SYTL3: variants seen among roughly 807,000 people sequenced by gnomAD.
SYTL3 encodes synaptotagmin like 3.
SYTL3 carries 88 observed loss-of-function variants against 82.1 expected under a neutral mutation model. That is an observed-to-expected ratio of 1.07 (90% CI 0.90 to 1.28). SYTL3 has a LOEUF of 1.28. Among genes scored for constraint, SYTL3 ranks in the 50% most tolerant of loss-of-function variants. The probability of loss-of-function intolerance (pLI) is 0.00; values close to 1 mark genes in which losing one functional copy is unlikely to be tolerated. For synonymous variants in SYTL3, 311 were observed against 289.4 expected, an observed-to-expected ratio of 1.07 and a Z score of -0.76; for missense variants, 831 against 757.6, an observed-to-expected ratio of 1.10 and a Z score of -1.14.
At chr6:158,740,989 AAGT>A (rs747068074) in intron 11 of SYTL3, among the ~76,000 whole-genome samples, 29 of 152,156 alleles carry the variant, frequency 1.9e-4, no homozygotes, top group Non-Finnish European at 5.9e-5. Context: ...ATGCTTGAAG[AAGT>A]AGTAGTCTGT....
intron 6 of SYTL3, among the ~76,000 whole-genome samples, chr6:158,701,198 G>GGCTGTCT (rs1781193440): frequency 7.3e-6 from 1 of 136,562 alleles, no homozygotes; most frequent in African/African-American, 3.0e-5. Flanking sequence ...GTAGATGAAG[G>GGCTGTCT]AGTGTGAGCT....
At chr6:158,667,959 C>T (rs926719929) in intron 5 of SYTL3, among the ~76,000 whole-genome samples, 1 of 152,182 alleles carries the variant, frequency 6.6e-6, no homozygotes, top group African/African-American at 2.4e-5. Flanking sequence ...CTGAGTGGCT[C>T]AAGACGACTT....
intron 10 of SYTL3, among the ~76,000 whole-genome samples, chr6:158,719,317 C>T (rs957196335): frequency 1.3e-5 from 2 of 152,284 alleles, no homozygotes; most frequent in South Asian, 4.1e-4. Flanking sequence ...GATTAAGTCA[C>T]CTGCCAAAGG....
intron 10 of SYTL3, among the ~76,000 whole-genome samples, chr6:158,721,791 C>T (rs1784136510): frequency 6.6e-6 from 1 of 152,096 alleles, no homozygotes; most frequent in African/African-American, 2.4e-5. Flanking sequence ...CACCACCACA[C>T]CTGGCTAATT....
intron 12 of SYTL3, among the ~76,000 whole-genome samples, chr6:158,749,403 A>AG (rs1281022909): frequency 6.7e-6 from 1 of 148,390 alleles, no homozygotes; most frequent in African/African-American, 2.4e-5. Context: ...AAAAAAAAAA[A>AG]AAAAAAAGAA....
chr6:158,733,407 A>G (rs1785673460), intron 11 of SYTL3, among the ~76,000 whole-genome samples: 1 of 151,988 alleles, frequency 6.6e-6, no homozygotes, highest in African/African-American at 2.4e-5. Context: ...GTTCACTGCA[A>G]GCTCCGCCTC....
rs780980615 is a variant in SYTL3 at position 158,757,241 on chromosome 6, C to T, written c.1168C>T (p.Arg390Trp). The T allele has an allele frequency of 3.7e-5, 59 of 1,611,334 alleles. No individual in the cohort carries two copies. The highest frequency in any genetic ancestry group is 4.5e-5 in the East Asian group (2 of 44,830). ...YQVAPAQLVT[R>W]QLQVSVWHLG... ...GGTGGCCCCTGCCCAGCTGGTGACC[C>T]GGCAGCTGCAGGTCTCGGTGTGGCA... The change falls in exon 14 of 18, where the codon CGG becomes TGG. Residue 390 changes from arginine to tryptophan, a missense_variant. By Grantham distance (101) the Arg-to-Trp change is moderately radical. Transcript: ENST00000611299.
intron 11 of SYTL3, chr6:158,725,878 A>G: frequency 4.3e-6 from 3 of 695,298 alleles, no homozygotes; most frequent in South Asian, 1.5e-5. Flanking sequence ...TTCATTATCA[A>G]TCCACTCCAC....
chr6:158,659,205 G>A (rs912122166), intron 2 of SYTL3, among the ~76,000 whole-genome samples: 10 of 152,182 alleles, frequency 6.6e-5, no homozygotes, highest in Admixed American at 6.5e-4. Context: ...GCTTTGGTCT[G>A]TATTTGAAAT....
intron 8 of SYTL3, among the ~76,000 whole-genome samples, chr6:158,710,702 T>C (rs986413437): frequency 6.6e-6 from 1 of 152,128 alleles, no homozygotes; most frequent in African/African-American, 2.4e-5. Flanking sequence ...TTTTTTTGCC[T>C]GTGTTTTTAC....
At chr6:158,651,283 C>T (rs997450499) in intron 1 of SYTL3, among the ~76,000 whole-genome samples, 5 of 152,052 alleles carry the variant, frequency 3.3e-5, no homozygotes, top group African/African-American at 9.7e-5. Flanking sequence ...TGAGTAGTAC[C>T]TAGAAGGATA....
chr6:158,691,514 G>A (rs376648624), intron 6 of SYTL3, among the ~76,000 whole-genome samples: 10 of 152,112 alleles, frequency 6.6e-5, no homozygotes, highest in African/African-American at 1.4e-4. Context: ...TCTGCTAAGC[G>A]TATAGAAATG....
intron 6 of SYTL3, among the ~76,000 whole-genome samples, chr6:158,693,912 C>T (rs1271038673): frequency 6.5e-5 from 9 of 138,766 alleles, no homozygotes; most frequent in Non-Finnish European, 1.1e-4. Context: ...AGGCTGGTCT[C>T]GAACTCCTGA....
At chr6:158,654,267 T>C (rs1788406955) in intron 2 of SYTL3, among the ~76,000 whole-genome samples, 1 of 152,214 alleles carries the variant, frequency 6.6e-6, no homozygotes. Flanking sequence ...TGTGTCCATG[T>C]TCTGGCTGGG....
rs1790291360 is a variant in SYTL3 at position 158,763,507 on chromosome 6, C to T, written c.1721C>T (p.Ser574Leu). The T allele has an allele frequency of 6.2e-7, 1 of 1,613,516 alleles. No homozygotes were observed. Among genetic ancestry groups the T allele is most frequent in the Non-Finnish European group, 8.5e-7 (1 of 1,179,500 alleles). ...DRLLGGTRLG[S>L]KGDTAVGGDA... is the part of the protein sequence containing the mutation. ...TTGCTTGGAGGAACCAGACTTGGTT[C>T]AAGTAAGTCTGAGACATTGAGCCCA... The change falls in exon 17 of 18, where the codon TCA becomes TTA. Residue 574 changes from serine to leucine, a missense_variant and splice_region_variant. By Grantham distance (145) the Ser-to-Leu change is moderately radical. Coordinates refer to ENST00000611299, the MANE Select transcript of SYTL3 (RefSeq NM_001242394.2).
chr6:158,720,398 CT>C (rs1209801431), intron 10 of SYTL3, among the ~76,000 whole-genome samples: 1 of 92,886 alleles, frequency 1.1e-5, no homozygotes, highest in Non-Finnish European at 2.0e-5. Context: ...AAGAGTGAAA[CT>C]TTGTCTCAAA....
At chr6:158,709,837 C>A (rs1782563159) in intron 8 of SYTL3, among the ~76,000 whole-genome samples, 1 of 152,176 alleles carries the variant, frequency 6.6e-6, no homozygotes. Context: ...AAAAACATGA[C>A]AACAGCCTGG....
Position 158,718,111 on chromosome 6 carries a change from T to A in SYTL3, c.620T>A (p.Met207Lys). 1.3e-6 allele frequency: 2 copies of A among 1,544,536 alleles called. No individual in the cohort carries two copies. Among genetic ancestry groups the A allele is most frequent in the Non-Finnish European group, 1.7e-6 (2 of 1,144,246 alleles). ...VKKLSKSQND[M>K]TSEKHLLATG... ...GAGCTCTCCAAATCCCAGAATGATA[T>A]GACTTCTGAGAAGCATCTTCTCGCC... The change falls in exon 10 of 18, where the codon ATG (methionine) becomes AAG (lysine). Residue 207 changes from methionine to lysine, a missense_variant. Transcript: ENST00000611299.
intron 11 of SYTL3, among the ~76,000 whole-genome samples, chr6:158,729,796 G>A (rs560082148): frequency 3.8e-4 from 57 of 151,798 alleles, no homozygotes; most frequent in African/African-American, 1.3e-3. Flanking sequence ...TTGATCTCCT[G>A]ACCTTGTGAT....
Sources: gnomAD v4.1 joint callset for allele counts (sites outside exome capture counted in the v4.1 genomes callset) on GRCh38, gnomAD v4.1.1 for gene constraint, MANE v1.5 for transcripts, NCBI Gene and HGNC (gene_info 2026-07-23, HGNC 2026-07-21) for gene names.